Variants in DNAJC5B observed in about 807,000 individuals in gnomAD.
The protein encoded by DNAJC5B is DnaJ heat shock protein family (Hsp40) member C5 beta.
DNAJC5B carries 23 observed loss-of-function variants against 24.7 expected under a neutral mutation model. The ratio of observed to expected loss-of-function variants is 0.93; its 90% confidence interval spans 0.67 to 1.32. The LOEUF is 1.32. DNAJC5B is among the 40% of genes most tolerant of loss of function. The pLI is 0.00. For synonymous variants in DNAJC5B, 101 were observed against 90.1 expected (o/e 1.12, Z -0.68); for missense variants, 238 against 240.8 (o/e 0.99, Z 0.08).
intron 1 of DNAJC5B, among the ~76,000 whole-genome samples, chr8:66,029,876 G>A (rs1806323631): frequency 6.6e-6 from 1 of 152,046 alleles, no homozygotes; most frequent in Non-Finnish European, 1.5e-5. Context: ...AGTGAGGGTG[G>A]GGGTGGTCGA....
intron 2 of DNAJC5B, among the ~76,000 whole-genome samples, chr8:66,044,631 CACCTGAGCAGT>C (rs1806686645): frequency 6.6e-6 from 1 of 152,114 alleles, no homozygotes; most frequent in African/African-American, 2.4e-5. Flanking sequence ...TATCAAGAGG[CACCTGAGCAGT>C]ACCTGGTTTG....
At chr8:66,041,218 A>T (rs1320428411) in intron 1 of DNAJC5B, among the ~76,000 whole-genome samples, 1 of 152,228 alleles carries the variant, frequency 6.6e-6, no homozygotes, top group East Asian at 1.9e-4. Context: ...TAAAAATAAT[A>T]ATATTAGTAA....
chr8:66,030,599 T>G (rs1806337519), intron 1 of DNAJC5B, among the ~76,000 whole-genome samples: 2 of 152,118 alleles, frequency 1.3e-5, no homozygotes, highest in African/African-American at 4.8e-5. Flanking sequence ...CTCTTCCTCC[T>G]CCACCTGCAG....
At chr8:66,036,682 G>A (rs1347640816) in intron 1 of DNAJC5B, among the ~76,000 whole-genome samples, 1 of 152,194 alleles carries the variant, frequency 6.6e-6, no homozygotes, top group African/African-American at 2.4e-5. Context: ...AACACCAGAG[G>A]GCACCACAGT....
intron 3 of DNAJC5B, among the ~76,000 whole-genome samples, chr8:66,060,981 A>G (rs1480875845): frequency 1.3e-5 from 2 of 152,218 alleles, no homozygotes; most frequent in Non-Finnish European, 2.9e-5. Context: ...AGATGTTGCT[A>G]AATGCTAGGA....
At chr8:66,091,068 A>G (rs1186642677) in intron 5 of DNAJC5B, among the ~76,000 whole-genome samples, 1 of 152,146 alleles carries the variant, frequency 6.6e-6, no homozygotes, top group African/African-American at 2.4e-5. Flanking sequence ...AGGTTCAGTG[A>G]GCAAACTTAC....
At chr8:66,073,665 A>T (rs968605554) in intron 3 of DNAJC5B, among the ~76,000 whole-genome samples, 8 of 152,212 alleles carry the variant, frequency 5.3e-5, no homozygotes, top group African/African-American at 1.9e-4. Context: ...TTAGACTGTT[A>T]TTGGCCCAGA....
intron 1 of DNAJC5B, among the ~76,000 whole-genome samples, chr8:66,037,129 G>A (rs997258568): frequency 1.3e-5 from 2 of 152,200 alleles, no homozygotes; most frequent in Non-Finnish European, 2.9e-5. Flanking sequence ...GGAAGGTTGA[G>A]GGATTGCTGA....
chr8:66,040,503 C>G (rs1238582775), intron 1 of DNAJC5B, among the ~76,000 whole-genome samples: 1 of 152,194 alleles, frequency 6.6e-6, no homozygotes, highest in Non-Finnish European at 1.5e-5. Flanking sequence ...CCATTATCTT[C>G]AGTAAATGTT....
chr8:66,089,905 A>G (rs1807809527), intron 5 of DNAJC5B, among the ~76,000 whole-genome samples: 1 of 152,222 alleles, frequency 6.6e-6, no homozygotes, highest in African/African-American at 2.4e-5. Context: ...ACACAGAGGC[A>G]TTCTATTGTT....
At chr8:66,038,549 C>T (rs1389773210) in intron 1 of DNAJC5B, among the ~76,000 whole-genome samples, 1 of 152,222 alleles carries the variant, frequency 6.6e-6, no homozygotes, top group Non-Finnish European at 1.5e-5. Flanking sequence ...TGCAGAGCAA[C>T]TTCCATATTA....
intron 1 of DNAJC5B, among the ~76,000 whole-genome samples, chr8:66,040,932 A>G (rs1021017322): frequency 6.6e-6 from 1 of 152,214 alleles, no homozygotes; most frequent in Non-Finnish European, 1.5e-5. Flanking sequence ...ATGATAAAAC[A>G]TAATAGGAAT....
chr8:66,033,634 G>A (rs777113792), intron 1 of DNAJC5B, among the ~76,000 whole-genome samples: 2 of 152,160 alleles, frequency 1.3e-5, no homozygotes, highest in Non-Finnish European at 2.9e-5. Flanking sequence ...GGAGCAGAGG[G>A]TGAACTGTCT....
At chr8:66,023,109 T>C (rs1402702567) in intron 1 of DNAJC5B, among the ~76,000 whole-genome samples, 1 of 152,198 alleles carries the variant, frequency 6.6e-6, no homozygotes, top group Non-Finnish European at 1.5e-5. Flanking sequence ...ATTCCACAGC[T>C]TCGTTTCCAG....
intron 1 of DNAJC5B, among the ~76,000 whole-genome samples, chr8:66,024,591 C>G (rs1254065351): frequency 2.2e-5 from 2 of 92,802 alleles, no homozygotes; most frequent in Non-Finnish European, 4.1e-5. Context: ...CCGACCCCAC[C>G]ACAGTCCCCA....
chr8:66,053,747 G>C (rs192160003), intron 3 of DNAJC5B, among the ~76,000 whole-genome samples: 332 of 151,410 alleles, frequency 2.2e-3, no homozygotes, highest in African/African-American at 7.9e-3. Flanking sequence ...CTCCTGCTTC[G>C]GTCTCCCGAG....
At chr8:66,079,692 A>G (rs939645175) in intron 4 of DNAJC5B, among the ~76,000 whole-genome samples, 1 of 152,206 alleles carries the variant, frequency 6.6e-6, no homozygotes, top group Non-Finnish European at 1.5e-5. Flanking sequence ...GCGCCATCAC[A>G]TGGGTTCAAG....
At position 66,051,498 on chromosome 8, in the gene DNAJC5B, G is replaced by A. The variant is rs147708997; in HGVS notation, c.-17-33G>A. On this transcript the variant is annotated intron_variant, in intron 2 of 5. Transcript: ENST00000276570. The stretch of plus-strand genomic sequence containing the variant: ...CCCTTTAGAGAGTGGGAAGTAGTGT[G>A]CATAACCTTCATGGCTATTTTCTCC... 198 of 1,296,776 alleles carry A rather than the reference G, an allele frequency of 1.5e-4. No individual in the cohort carries two copies. The African/African-American group carries it at 2.6e-3, about 17-fold the overall frequency. 80.3% of individuals were successfully genotyped at this position (1,296,776 alleles called of 1,614,324 possible). A position where few individuals can be genotyped will look rare whatever the true frequency, so the allele number is the denominator to read the frequency against.
chr8:66,022,195 C>T (rs937403136), intron 1 of DNAJC5B, among the ~76,000 whole-genome samples: 3 of 152,174 alleles, frequency 2.0e-5, no homozygotes, highest in African/African-American at 7.2e-5. Flanking sequence ...TACCGGACCC[C>T]CCACCCCGCC....
Sources: gnomAD v4.1 joint callset for allele counts (sites outside exome capture counted in the v4.1 genomes callset) on GRCh38, gnomAD v4.1.1 for gene constraint, MANE v1.5 for transcripts, NCBI Gene and HGNC (gene_info 2026-07-23, HGNC 2026-07-21) for gene names.